The following CMTM3 variants were observed in gnomAD, a reference collection of about 807,000 sequenced individuals.
CMTM3 encodes the protein CKLF like MARVEL transmembrane domain containing 3, also known as CKLF-like MARVEL transmembrane domain-containing protein 3.
A neutral mutation model predicts 18.2 loss-of-function variants in CMTM3; 7 were observed. The observed-to-expected ratio is 0.38, with a 90% CI of 0.22 to 0.72. The LOEUF is 0.72. Among genes scored for constraint, CMTM3 ranks in the 30% least tolerant of loss-of-function variants. The pLI is 0.46. For missense variants in CMTM3, 227 were observed against 249.2 expected, an observed-to-expected ratio of 0.91 and a Z score of 0.60; for synonymous variants, 109 against 111.2, an observed-to-expected ratio of 0.98 and a Z score of 0.12.
rs774548967 is a variant in CMTM3 at position 66,609,789 on chromosome 16, C to G, written c.400-94C>G. The G allele has an allele frequency of 1.2e-6, 2 of 1,612,522 alleles. No individual in the cohort carries two copies. The highest frequency in any genetic ancestry group is 1.3e-5 in the African/African-American group (1 of 74,894). On this transcript the variant is annotated intron_variant, in intron 3 of 4. Coordinates refer to ENST00000567572, the MANE Select transcript of CMTM3 (RefSeq NM_181553.4). This position sits in a 1 kb window ranked among gnomAD's most constrained non-coding sequence, Gnocchi z 4.4. ...TGTGCCTGACACTCGGGCTGTTTGT[C>G]CAAGCAGATCTGAAATGGGCCGTGA...
rs779794941 is a variant in CMTM3 at position 66,609,930 on chromosome 16, G to A, written c.447G>A (p.Leu149=). 2.9e-5 allele frequency: 46 copies of A among 1,614,030 alleles called. 1 individual carries two copies. The East Asian group carries it at 1.0e-3, about 36-fold the overall frequency. Residue 149 remains leucine, a synonymous_variant, in exon 4 of 5, where the codon CTG becomes CTA. Transcript: ENST00000567572. The surrounding 1 kb of genome is among the most constrained non-coding windows in gnomAD (Gnocchi z 4.4). ...ATIVFATDFY[L]IFNDVAKFLK... ...TCGTGTTTGCAACTGATTTCTACCTGATCTTTAACGACGTGGCCAAATTCC... is the reference window on the plus strand; with the variant it reads ...TCGTGTTTGCAACTGATTTCTACCTAATCTTTAACGACGTGGCCAAATTCC...
In CMTM3 at chr16:66,609,343, C is replaced by A; in HGVS notation, c.304-92C>A. ...GGATAGGAGCCCTCAGGTGCTAGGC[C>A]TGGGGCTGGGAACACGACCAGGCTG... On this transcript the variant is annotated intron_variant, in intron 2 of 4. Transcript: ENST00000567572. The surrounding 1 kb of genome is among the most constrained non-coding windows in gnomAD (Gnocchi z 4.4). 8.9e-7 allele frequency: 1 copy of A among 1,125,148 alleles called. No homozygotes were observed. The highest frequency in any genetic ancestry group is 1.3e-6 in the Non-Finnish European group (1 of 771,612). 69.7% of individuals were successfully genotyped at this position (1,125,148 alleles called of 1,614,324 possible).
chr16:66,606,208 C>G (rs2015145340), intron 1 of CMTM3, among the ~76,000 whole-genome samples: 1 of 152,148 alleles, frequency 6.6e-6, no homozygotes. Flanking sequence ...AGTCCCCTCA[C>G]TCCCACCCCC....
chr16:66,604,770 G>A lies in CMTM3; in HGVS notation c.-36G>A, dbSNP rs2144725983. Reference sequence around the variant, plus strand: ...TCCCTCCGGGCGCGAGAAGAGGGGAGCCAGGCCGAGCCCCGGCCCTACCGC... The same window carrying A: ...TCCCTCCGGGCGCGAGAAGAGGGGAACCAGGCCGAGCCCCGGCCCTACCGC... On this transcript the variant is annotated 5_prime_UTR_variant, in exon 1 of 5. Transcript: ENST00000567572. The A allele has an allele frequency of 1.6e-6, 2 of 1,227,726 alleles. No individual in the cohort carries two copies. The highest frequency in any genetic ancestry group is 2.0e-6 in the Non-Finnish European group (2 of 986,634). The allele number at this position is 1,227,726 out of a possible 1,614,324, so 76.1% of individuals were successfully genotyped here.
At position 66,608,763 on chromosome 16, in the gene CMTM3, G is replaced by A. The variant is rs148553897; in HGVS notation, c.303+299G>A. Among the ~76,000 whole-genome samples the A allele has an allele frequency of 5.9e-5, 9 of 152,292 alleles. No homozygotes were observed. The highest frequency in any genetic ancestry group is 9.6e-5 in the African/African-American group (4 of 41,568). On this transcript the variant is annotated intron_variant, in intron 2 of 4. Transcript: ENST00000567572. The surrounding 1 kb of genome is among the most constrained non-coding windows in gnomAD (Gnocchi z 5.1). ...ACCGGGCCTACAGGAATGAGCTGCC[G>A]CCACAGGAATTCAAGCCATTTCCAC...
rs1006296883 is a variant in CMTM3, at chr16:66,613,201, T to G, written c.*564T>G. On this transcript the variant is annotated 3_prime_UTR_variant, in exon 5 of 5. Coordinates refer to ENST00000567572, the MANE Select transcript of CMTM3 (RefSeq NM_181553.4). ...AGCAGGGAGAAATTGACCTTTGCCT[T>G]GTCGCCCAGGAAGTGGGGCTCGGCA... The G allele has an allele frequency of 7.2e-6, 5 of 695,162 alleles. No individual in the cohort carries two copies. The highest frequency in any genetic ancestry group is 1.1e-5 in the Non-Finnish European group (4 of 380,008). 43.1% of individuals were successfully genotyped at this position (695,162 alleles called of 1,614,324 possible). A position where few individuals can be genotyped will look rare whatever the true frequency, so the allele number is the denominator to read the frequency against.
Position 66,613,611 on chromosome 16 carries a change from T to C in CMTM3, c.*974T>C, listed in dbSNP as rs1224536705. On this transcript the variant is annotated 3_prime_UTR_variant, in exon 5 of 5. Coordinates refer to ENST00000567572, the MANE Select transcript of CMTM3 (RefSeq NM_181553.4). Reference sequence around the variant, plus strand: ...TATGCAAAAGCAGCTTCTTAACAGATGGCATTTTCTGTGACTCTAGGCCTC... The same window carrying C: ...TATGCAAAAGCAGCTTCTTAACAGACGGCATTTTCTGTGACTCTAGGCCTC... 1 of 154,210 alleles carries C rather than the reference T, an allele frequency of 6.5e-6. No homozygotes were observed. The highest frequency in any genetic ancestry group is 2.4e-5 in the African/African-American group (1 of 41,494). 9.6% of individuals were successfully genotyped at this position (154,210 alleles called of 1,614,324 possible).
chr16:66,604,500 G>A (rs1426002356), upstream of CMTM3: 1 of 243,210 alleles, frequency 4.1e-6, no homozygotes, highest in Non-Finnish European at 7.9e-6. Context: ...CTCCGAAGGG[G>A]TGCCGGGGCG....
chr16:66,610,060 G>T lies in CMTM3; in HGVS notation c.520+57G>T. ...CTGCAACAGGGGCCTGCCCTCCCTC[G>T]GGGATGCCAGCTAGTTTGAGGCTGG... is the stretch of plus-strand genomic sequence containing the variant. On this transcript the variant is annotated intron_variant, in intron 4 of 4. Coordinates refer to ENST00000567572, the MANE Select transcript of CMTM3 (RefSeq NM_181553.4). This position sits in a 1 kb window ranked among gnomAD's most constrained non-coding sequence, Gnocchi z 4.6. The T allele has an allele frequency of 1.3e-6, 2 of 1,598,524 alleles. No individual in the cohort carries two copies. The highest frequency in any genetic ancestry group is 1.7e-6 in the Non-Finnish European group (2 of 1,171,214).
rs979269630 is a variant in CMTM3, at chr16:66,604,870, C to T, written c.65C>T (p.Pro22Leu). Residue 22 changes from proline (P) to leucine (L), a missense_variant, in exon 1 of 5, where the codon CCC becomes CTC. By Grantham distance (98) the Pro-to-Leu change is moderately conservative. Coordinates refer to ENST00000567572, the MANE Select transcript of CMTM3 (RefSeq NM_181553.4). ...PEPAGGSRPG[P>L]AVPGLRALLP... ...CCTGCCGGCGGCTCCCGTCCCGGCC[C>T]CGCGGTCCCCGGGCTCCGCGCCCTG... The T allele has an allele frequency of 8.2e-5, 115 of 1,410,668 alleles. No homozygotes were observed. Among genetic ancestry groups the T allele is most frequent in the Non-Finnish European group, 1.0e-4 (112 of 1,086,374 alleles). 87.4% of individuals were successfully genotyped at this position (1,410,668 alleles called of 1,614,324 possible). A position where few individuals can be genotyped will look rare whatever the true frequency, so the allele number is the denominator to read the frequency against.
chr16:66,609,462 C>T lies in CMTM3; in HGVS notation c.331C>T (p.Leu111Phe). Reference protein sequence around the residue: ...MDFLRCVTAALIYFAISITAI... With the variant: ...MDFLRCVTAAFIYFAISITAI... ...CTTCCTGCGCTGTGTCACCGCGGCC[C>T]TCATCTACTTTGCTATCTCCATCAC... is the stretch of plus-strand genomic sequence containing the variant. Residue 111 changes from leucine to phenylalanine, a missense_variant, in exon 3 of 5, where the codon CTC (leucine) becomes TTC (phenylalanine). Physicochemically the swap from Leu to Phe is conservative, Grantham distance 22 (BLOSUM62 0). Coordinates refer to ENST00000567572, the MANE Select transcript of CMTM3 (RefSeq NM_181553.4). This position sits in a 1 kb window ranked among gnomAD's most constrained non-coding sequence, Gnocchi z 4.4. 4 of 1,613,064 alleles carry T rather than the reference C, an allele frequency of 2.5e-6. No individual in the cohort carries two copies. The highest frequency in any genetic ancestry group is 3.4e-6 in the Non-Finnish European group (4 of 1,179,640).
Position 66,604,959 on chromosome 16 carries a change from G to A in CMTM3, c.147+7G>A. The A allele has an allele frequency of 6.7e-7, 1 of 1,497,232 alleles. No individual in the cohort carries two copies. Among genetic ancestry groups the A allele is most frequent in the Non-Finnish European group, 8.8e-7 (1 of 1,133,770 alleles). 92.7% of individuals were successfully genotyped at this position (1,497,232 alleles called of 1,614,324 possible). On this transcript the variant is annotated splice_region_variant and intron_variant, in intron 1 of 4. Coordinates refer to ENST00000567572, the MANE Select transcript of CMTM3 (RefSeq NM_181553.4). ...CCTCCTGCTGGCCGAGTCGGTGAGT[G>A]CGGCGGGACCCTCGGCCGCCCCGCT...
rs2144743847 is a variant in CMTM3, at chr16:66,608,743, G to A, written c.303+279G>A. ...AGGTGGCGCCGGTGCTCCCCACCGGGCCTACAGGAATGAGCTGCCGCCACA... is the reference window on the plus strand; with the variant it reads ...AGGTGGCGCCGGTGCTCCCCACCGGACCTACAGGAATGAGCTGCCGCCACA... On this transcript the variant is annotated intron_variant, in intron 2 of 4. Coordinates refer to ENST00000567572, the MANE Select transcript of CMTM3 (RefSeq NM_181553.4). This position sits in a 1 kb window ranked among gnomAD's most constrained non-coding sequence, Gnocchi z 5.1. Among the ~76,000 whole-genome samples the A allele has an allele frequency of 6.6e-6, 1 of 152,308 alleles. No individual in the cohort carries two copies. The highest frequency in any genetic ancestry group is 2.4e-5 in the African/African-American group (1 of 41,572).
Position 66,604,883 on chromosome 16 carries a change from G to T in CMTM3, c.78G>T (p.Gly26=), listed in dbSNP as rs924793959. 7.0e-7 allele frequency: 1 copy of T among 1,429,854 alleles called. No homozygotes were observed. Among genetic ancestry groups the T allele is most frequent in the East Asian group, 3.1e-5 (1 of 32,546 alleles). 88.6% of individuals were successfully genotyped at this position (1,429,854 alleles called of 1,614,324 possible). A position where few individuals can be genotyped will look rare whatever the true frequency, so the allele number is the denominator to read the frequency against. The change falls in exon 1 of 5, where the codon GGG becomes GGT. Residue 26 remains glycine, a synonymous_variant. Transcript: ENST00000567572. ...CCCGTCCCGGCCCCGCGGTCCCCGG[G>T]CTCCGCGCCCTGCTGCCGGCGCGGG... The part of the protein sequence containing the change: ...GGSRPGPAVP[G]LRALLPARAF...
rs1388545774 is a variant in CMTM3, at chr16:66,613,286, C to A, written c.*649C>A. ...GTCTTCTGGGGGTGAGATGACCATTCTGGGTCTAAGACTGTTTCAAAGAAG... is the reference window on the plus strand; with the variant it reads ...GTCTTCTGGGGGTGAGATGACCATTATGGGTCTAAGACTGTTTCAAAGAAG... On this transcript the variant is annotated 3_prime_UTR_variant, in exon 5 of 5. Coordinates refer to ENST00000567572, the MANE Select transcript of CMTM3 (RefSeq NM_181553.4). 4.3e-5 allele frequency: 27 copies of A among 625,960 alleles called. No homozygotes were observed. Among genetic ancestry groups the A allele is most frequent in the Non-Finnish European group, 7.5e-5 (26 of 348,362 alleles). The allele number at this position is 625,960 out of a possible 1,614,324, so 38.8% of individuals were successfully genotyped here. A position where few individuals can be genotyped will look rare whatever the true frequency, so the allele number is the denominator to read the frequency against.
chr16:66,607,835 GTTTT>G (rs371152659), intron 1 of CMTM3, among the ~76,000 whole-genome samples: 2 of 145,104 alleles, frequency 1.4e-5, no homozygotes, highest in African/African-American at 5.1e-5. Flanking sequence ...GCCATGCTGG[GTTTT>G]TTTTTTTTGT....
At position 66,612,522 on chromosome 16, in the gene CMTM3, G is replaced by A. The variant is rs1451615775; in HGVS notation, c.521-87G>A. 10 of 1,421,752 alleles carry A rather than the reference G, an allele frequency of 7.0e-6. No individual in the cohort carries two copies. Among genetic ancestry groups the A allele is most frequent in the Non-Finnish European group, 9.8e-6 (10 of 1,020,956 alleles). 88.1% of individuals were successfully genotyped at this position (1,421,752 alleles called of 1,614,324 possible). ...GAGGCCTGCACCCAGGCTCCTGCCA[G>A]CAACCCAGCTGTGCTTCCCCAGAGA... On this transcript the variant is annotated intron_variant, in intron 4 of 4. Coordinates refer to ENST00000567572, the MANE Select transcript of CMTM3 (RefSeq NM_181553.4). The surrounding 1 kb of genome is among the most constrained non-coding windows in gnomAD (Gnocchi z 6.0).
At position 66,609,781 on chromosome 16, in the gene CMTM3, CT is replaced by C; in HGVS notation, c.400-101del. On this transcript the variant is annotated intron_variant, in intron 3 of 4. Transcript: ENST00000567572. The surrounding 1 kb of genome is among the most constrained non-coding windows in gnomAD (Gnocchi z 4.4). ...CAGGGGTCTGTGCCTGACACTCGGGCTGTTTGTCCAAGCAGATCTGAAATGG... is the reference window on the plus strand; with the variant it reads ...CAGGGGTCTGTGCCTGACACTCGGGCGTTTGTCCAAGCAGATCTGAAATGG... The C allele has an allele frequency of 6.2e-7, 1 of 1,610,854 alleles. No homozygotes were observed. The highest frequency in any genetic ancestry group is 8.5e-7 in the Non-Finnish European group (1 of 1,178,510).
rs1423359561 is a variant in CMTM3 at position 66,613,250 on chromosome 16, T to C, written c.*613T>C. 4 of 651,066 alleles carry C rather than the reference T, an allele frequency of 6.1e-6. No individual in the cohort carries two copies. In the African/African-American group the frequency reaches 7.2e-5, roughly 12 times the overall value. The allele number at this position is 651,066 out of a possible 1,614,324, so 40.3% of individuals were successfully genotyped here. A position where few individuals can be genotyped will look rare whatever the true frequency, so the allele number is the denominator to read the frequency against. On this transcript the variant is annotated 3_prime_UTR_variant, in exon 5 of 5. Transcript: ENST00000567572. ...CACCCATAACTAACACCTCCCACCC[T>C]TGGAAACCATGTCTTCTGGGGGTGA...
Sources: allele counts gnomAD v4.1 joint callset (sites outside exome capture counted in the v4.1 genomes callset), GRCh38; gene constraint gnomAD v4.1.1; non-coding constraint Gnocchi (gnomAD v3.1); transcripts MANE v1.5; gene names NCBI Gene and HGNC (gene_info 2026-07-23, HGNC 2026-07-21).